Variants in INTS14 observed in about 807,000 individuals in gnomAD.
INTS14 encodes the protein UPF0464 protein C15orf44.
Under a neutral mutation model 56.9 loss-of-function variants are expected in INTS14, and 27 were observed. That is an observed-to-expected ratio of 0.47 (90% CI 0.35 to 0.65). INTS14 has a LOEUF of 0.65. Among genes scored for constraint, INTS14 ranks in the 30% least tolerant of loss-of-function variants. The probability of loss-of-function intolerance (pLI) is 0.00; values close to 1 mark genes in which losing one functional copy is unlikely to be tolerated. For synonymous variants in INTS14, 207 were observed against 236.2 expected (o/e 0.88, Z 1.13); for missense variants, 517 against 632.2 (o/e 0.82, Z 1.95).
chr15:65,579,087 C>T lies in INTS14; in HGVS notation c.*321G>A, dbSNP rs573600764. 5 of 219,082 alleles carry T rather than the reference C, an allele frequency of 2.3e-5. No homozygotes were observed. The highest frequency in any genetic ancestry group is 9.2e-5 in the African/African-American group (4 of 43,672). The allele number at this position is 219,082 out of a possible 1,614,324, so 13.6% of individuals were successfully genotyped here. A position where few individuals can be genotyped will look rare whatever the true frequency, so the allele number is the denominator to read the frequency against. The stretch of plus-strand genomic sequence containing the variant: ...TTTCAGGAAGCCAGAGAGCCCCTGC[C>T]GGTCAGGTTTCCTGAGGAAGGCAGG... On this transcript the variant is annotated 3_prime_UTR_variant, in exon 12 of 12. Transcript: ENST00000313182.
chr15:65,579,790 A>G (rs1293431418), intron 11 of INTS14, 131 bp from the exon 12 acceptor site: 8 of 1,328,142 alleles, frequency 6.0e-6, no homozygotes, highest in South Asian at 1.5e-5. Context: ...ACAAATGTTT[A>G]TTTAGGGATG....
chr15:65,590,146 G>A (rs576805771), intron 9 of INTS14, among the ~76,000 whole-genome samples: 1 of 152,188 alleles, frequency 6.6e-6, no homozygotes, highest in East Asian at 1.9e-4. Flanking sequence ...GCCACGGTCT[G>A]GCTCTCATCT....
At chr15:65,593,773 T>C (rs977695988) in intron 7 of INTS14, among the ~76,000 whole-genome samples, 2 of 151,898 alleles carry the variant, frequency 1.3e-5, no homozygotes, top group African/African-American at 4.8e-5. Flanking sequence ...ATTCCATTTA[T>C]ATAAAACATC....
At chr15:65,610,977 G>C (rs1001711022) in intron 1 of INTS14, 121 bp downstream of exon 1, 1 of 1,489,944 alleles carries the variant, frequency 6.7e-7, no homozygotes. Context: ...GCGCGGGGCG[G>C]CCGCCACGGT....
At chr15:65,593,899 T>C (rs776046577) in intron 7 of INTS14, among the ~76,000 whole-genome samples, 1 of 152,092 alleles carries the variant, frequency 6.6e-6, no homozygotes, top group Non-Finnish European at 1.5e-5. Context: ...CTTTTTGGGG[T>C]TATAAAAAAG....
intron 3 of INTS14, among the ~76,000 whole-genome samples, chr15:65,600,999 A>G (rs915125486): frequency 6.6e-6 from 1 of 152,190 alleles, no homozygotes; most frequent in African/African-American, 2.4e-5. Context: ...TTCATTTCAC[A>G]TGTGCTCCTA....
chr15:65,589,617 T>G (rs1481952650), intron 9 of INTS14, among the ~76,000 whole-genome samples: 1 of 152,222 alleles, frequency 6.6e-6, no homozygotes, highest in Non-Finnish European at 1.5e-5. Context: ...CTGTTACCTC[T>G]GCCTATTCTC....
At chr15:65,593,800 A>C (rs1384714934) in intron 7 of INTS14, among the ~76,000 whole-genome samples, 1 of 152,044 alleles carries the variant, frequency 6.6e-6, no homozygotes, top group African/African-American at 2.4e-5. Context: ...AGGCAAATCT[A>C]TATATACAGA....
In INTS14 at chr15:65,605,762, C is replaced by T. The variant is rs182922898; in HGVS notation, c.223-526G>A. 1.4e-3 allele frequency among the ~76,000 whole-genome samples: 219 copies of T among 152,274 alleles called. 1 individual carries two copies. Among genetic ancestry groups the T allele is most frequent in the Non-Finnish European group, 1.1e-3 (72 of 68,028 alleles). On this transcript the variant is annotated intron_variant, in intron 2 of 11. Transcript: ENST00000313182. ...GCAGTCTGACTTCAGGGCTCCTGGTCTAAAACATTACGTCTCACTCCTTAT... is the reference window on the plus strand; with the variant it reads ...GCAGTCTGACTTCAGGGCTCCTGGTTTAAAACATTACGTCTCACTCCTTAT...
intron 1 of INTS14, among the ~76,000 whole-genome samples, chr15:65,608,936 C>T (rs987183913): frequency 3.9e-5 from 6 of 152,200 alleles, no homozygotes; most frequent in Admixed American, 2.6e-4. Flanking sequence ...CGACATCTGT[C>T]GCCCAGGCTG....
chr15:65,581,109 G>C (rs959008618), intron 11 of INTS14, among the ~76,000 whole-genome samples: 1 of 152,082 alleles, frequency 6.6e-6, no homozygotes, highest in African/African-American at 2.4e-5. Context: ...GCCGGGAACG[G>C]TGGCTCACGC....
intron 1 of INTS14, among the ~76,000 whole-genome samples, chr15:65,609,242 C>A (rs953507579): frequency 6.6e-6 from 1 of 152,114 alleles, no homozygotes. Context: ...CGTGAGCCAC[C>A]GCGCCCAGCC....
chr15:65,598,727 C>T (rs2073310461), intron 5 of INTS14, 145 bp downstream of exon 5: 1 of 755,458 alleles, frequency 1.3e-6, no homozygotes, highest in Non-Finnish European at 2.1e-6. Flanking sequence ...AAAACCATTA[C>T]TACCCATCAC....
intron 9 of INTS14, among the ~76,000 whole-genome samples, chr15:65,585,190 T>C (rs1390026708): frequency 2.0e-5 from 3 of 151,892 alleles, no homozygotes; most frequent in East Asian, 1.9e-4. Context: ...TATATATATA[T>C]ACATACACAT....
At chr15:65,599,108 T>A (rs1041459673) in intron 4 of INTS14, 118 bp from the exon 5 acceptor site, 1 of 661,462 alleles carries the variant, frequency 1.5e-6, no homozygotes, top group Non-Finnish European at 2.6e-6. Context: ...ATGATTTTTT[T>A]AATAGCCAAT....
At chr15:65,595,375 C>G (rs769216173) in intron 7 of INTS14, among the ~76,000 whole-genome samples, 4 of 152,204 alleles carry the variant, frequency 2.6e-5, no homozygotes, top group Non-Finnish European at 5.9e-5. Flanking sequence ...GTGTATAAAG[C>G]TGTATTTGAC....
Position 65,591,667 on chromosome 15 carries a change from A to T in INTS14, c.1051T>A (p.Ser351Thr), listed in dbSNP as rs749192128. 6.2e-7 allele frequency: 1 copy of T among 1,614,198 alleles called. No individual in the cohort carries two copies. The change falls in exon 9 of 12, where the codon TCT (serine) becomes ACT (threonine). Residue 351 changes from serine (S) to threonine (T), a missense_variant. Transcript: ENST00000313182. Reference sequence around the variant, plus strand: ...GGTTCTGGGCCAGGCTCAAAGAGAGACATCATGAGGTTTGATTTCTTCTTG... The same window carrying T: ...GGTTCTGGGCCAGGCTCAAAGAGAGTCATCATGAGGTTTGATTTCTTCTTG... ...DSKKKSNLMM[S>T]LFEPGPEPLP...
intron 10 of INTS14, 74 bp downstream of exon 10, chr15:65,584,696 T>G (rs770062838): frequency 7.8e-7 from 1 of 1,279,910 alleles, no homozygotes; most frequent in Admixed American, 2.2e-5. Context: ...GAAAAGAAAA[T>G]CAAATAAAAT....
chr15:65,588,335 C>G (rs959383412), intron 9 of INTS14, among the ~76,000 whole-genome samples: 1 of 150,926 alleles, frequency 6.6e-6, no homozygotes, highest in African/African-American at 2.4e-5. Flanking sequence ...ATGGGGGAAC[C>G]CCTGACAGAA....
Sources: allele counts gnomAD v4.1 joint callset (sites outside exome capture counted in the v4.1 genomes callset), GRCh38; gene constraint gnomAD v4.1.1; transcripts MANE v1.5; gene names NCBI Gene and HGNC (gene_info 2026-07-23, HGNC 2026-07-21).